The following ETV4 variants were observed in gnomAD, a reference collection of about 807,000 sequenced individuals.
ETV4 encodes the protein ETS variant transcription factor 4, also known as ETS translocation variant 4.
A neutral mutation model predicts 65.9 loss-of-function variants in ETV4; 42 were observed. That is an observed-to-expected ratio of 0.64 (90% confidence interval 0.50 to 0.82). The LOEUF is 0.82. Among genes scored for constraint, ETV4 ranks in the 40% least tolerant of loss-of-function variants. The pLI, the probability that ETV4 is intolerant of heterozygous loss-of-function variation, is 0.00. For missense variants in ETV4, 583 were observed against 630.3 expected (o/e 0.92, Z 0.80); for synonymous variants, 238 against 260.0 (o/e 0.92, Z 0.81).
rs1555559953 is a variant in ETV4 at position 43,543,276 on chromosome 17, A to ACACACTCT, written c.202+1698_202+1699insAGAGTGTG. Among the ~76,000 whole-genome samples, 5 of 138,140 alleles carry ACACACTCT rather than the reference A, an allele frequency of 3.6e-5. No individual in the cohort carries two copies. The Admixed American group carries it at 3.6e-4, about 10-fold the overall frequency. 90.6% of individuals were successfully genotyped at this position (138,140 alleles called of 152,430 possible). A position where few individuals can be genotyped will look rare whatever the true frequency, so the allele number is the denominator to read the frequency against. ...AGCAGCATGTAACTAACACACACACACTCTCTCTCTCTCTCTCTCTCACAC... is the reference window on the plus strand; with the variant it reads ...AGCAGCATGTAACTAACACACACACACACACTCTCTCTCTCTCTCTCTCTCTCTCACAC... On this transcript the variant is annotated intron_variant, in intron 4 of 12. Coordinates refer to ENST00000319349, the MANE Select transcript of ETV4 (RefSeq NM_001079675.5).
intron 4 of ETV4, among the ~76,000 whole-genome samples, chr17:43,538,614 G>A (rs73304595): frequency 0.013 from 2,050 of 152,258 alleles, 39 homozygotes; most frequent in African/African-American, 0.047. Context: ...CCCAGAGCGG[G>A]GCTTCTCAGG....
intron 8 of ETV4, chr17:43,530,530 G>T: frequency 1.1e-6 from 1 of 924,872 alleles, no homozygotes; most frequent in Non-Finnish European, 1.5e-6. Context: ...AAAGAGTTCG[G>T]TGTCCACGCC....
intron 12 of ETV4, 33 bp downstream of exon 12, chr17:43,529,102 C>A: frequency 6.2e-7 from 1 of 1,604,908 alleles, no homozygotes; most frequent in South Asian, 1.1e-5. Context: ...CCACTGCCCC[C>A]CACCACCTTG....
chr17:43,541,406 G>A (rs1284493927), intron 4 of ETV4, among the ~76,000 whole-genome samples: 2 of 152,182 alleles, frequency 1.3e-5, no homozygotes, highest in African/African-American at 4.8e-5. Context: ...GCTCCATCCC[G>A]GTACTAAGAT....
intron 4 of ETV4, among the ~76,000 whole-genome samples, chr17:43,537,589 G>A (rs1021733140): frequency 1.3e-5 from 2 of 151,212 alleles, no homozygotes; most frequent in Admixed American, 6.6e-5. Context: ...CCAGCTACTC[G>A]GAAGGCTGAG....
intron 5 of ETV4, 142 bp from the exon 6 acceptor site, chr17:43,534,127 C>T (rs1388766702): frequency 3.5e-6 from 3 of 869,276 alleles, no homozygotes; most frequent in Non-Finnish European, 4.8e-6. Context: ...TTTTCTGAGA[C>T]CCGCAGTGAG....
chr17:43,529,482 T>C, intron 11 of ETV4, 22 bp downstream of exon 11: 2 of 1,593,986 alleles, frequency 1.3e-6, no homozygotes, highest in African/African-American at 1.3e-5. Context: ...AAAGGAGGGC[T>C]GGGAACATCC....
chr17:43,545,000 G>C lies in ETV4; in HGVS notation c.177C>G (p.His59Gln). ...DSEDLFQDLS[H>Q]FQETWLAEAQ... ...CTTCAGCGAGCCACGTCTCCTGGAA[G>C]TGACTTAGATCCTGGAAGAGATCTG... is the stretch of plus-strand genomic sequence containing the variant. Residue 59 changes from histidine to glutamine, a missense_variant, in exon 4 of 13, where the codon CAC (histidine) becomes CAG (glutamine). Physicochemically the swap from His to Gln is conservative, Grantham distance 24. Coordinates refer to ENST00000319349, the MANE Select transcript of ETV4 (RefSeq NM_001079675.5). 1 of 1,614,090 alleles carries C rather than the reference G, an allele frequency of 6.2e-7. No homozygotes were observed. Among genetic ancestry groups the C allele is most frequent in the Non-Finnish European group, 8.5e-7 (1 of 1,179,986 alleles).
chr17:43,539,307 T>G (rs1014660207), intron 4 of ETV4, among the ~76,000 whole-genome samples: 2 of 152,142 alleles, frequency 1.3e-5, no homozygotes, highest in Admixed American at 1.3e-4. Flanking sequence ...GATGCTTTCT[T>G]GCCTTTTTCT....
At chr17:43,533,378 G>T in intron 6 of ETV4, 30 bp from the exon 7 acceptor site, 2 of 1,593,728 alleles carry the variant, frequency 1.3e-6, no homozygotes, top group Non-Finnish European at 8.6e-7. Flanking sequence ...AGGGGTGAGG[G>T]GGCAGAGAAG....
At position 43,545,674 on chromosome 17, in the gene ETV4, G is replaced by C. The variant is rs933783008; in HGVS notation, c.-51-6C>G. The stretch of plus-strand genomic sequence containing the variant: ...CCCCAAGCGGGGGCCGAGACCTGGT[G>C]GGGGAGGGGGCTGCGTTCGCACACC... On this transcript the variant is annotated splice_region_variant and splice_polypyrimidine_tract_variant and intron_variant, in intron 1 of 12. Coordinates refer to ENST00000319349, the MANE Select transcript of ETV4 (RefSeq NM_001079675.5). 2.2e-4 allele frequency: 322 copies of C among 1,471,210 alleles called. 2 individuals carry two copies. The South Asian group carries it at 3.0e-3, about 14-fold the overall frequency. The allele number at this position is 1,471,210 out of a possible 1,614,324, so 91.1% of individuals were successfully genotyped here.
chr17:43,539,296 A>G lies in ETV4; in HGVS notation c.203-2817T>C, dbSNP rs530127226. ...CTGCTGAGCTTGTTCCTTCTTCCCC[A>G]GATGCTTTCTTGCCTTTTTCTTTTT... On this transcript the variant is annotated intron_variant, in intron 4 of 12. Transcript: ENST00000319349. Among the ~76,000 whole-genome samples the G allele has an allele frequency of 8.0e-4, 121 of 152,096 alleles. 1 individual carries two copies. The highest frequency in any genetic ancestry group is 1.6e-3 in the Non-Finnish European group (107 of 67,994).
At chr17:43,545,401 C>T in intron 2 of ETV4, 34 bp from the exon 3 acceptor site, 1 of 1,532,144 alleles carries the variant, frequency 6.5e-7, no homozygotes, top group Non-Finnish European at 8.8e-7. Flanking sequence ...CGCGAGTCAC[C>T]CTGAGGCGCT....
chr17:43,541,560 TG>T (rs754473211), intron 4 of ETV4, among the ~76,000 whole-genome samples: 1 of 151,754 alleles, frequency 6.6e-6, no homozygotes, highest in Non-Finnish European at 1.5e-5. Flanking sequence ...AGGAGGGGCT[TG>T]GGGGGTCTCC....
At chr17:43,536,385 C>T (rs1478826328) in intron 5 of ETV4, 41 bp downstream of exon 5, 4 of 1,568,868 alleles carry the variant, frequency 2.5e-6, no homozygotes, top group South Asian at 2.2e-5. Flanking sequence ...TTCCTGCCAT[C>T]CTCCACTCCC....
chr17:43,544,390 A>G (rs916836695), intron 4 of ETV4: 4 of 152,884 alleles, frequency 2.6e-5, no homozygotes, highest in African/African-American at 9.6e-5. Flanking sequence ...TTAGAATTAC[A>G]ATCAAGGCTA....
At position 43,529,644 on chromosome 17, in the gene ETV4, G is replaced by C; in HGVS notation, c.988C>G (p.Arg330Gly). 6.2e-7 allele frequency: 1 copy of C among 1,613,652 alleles called. No individual in the cohort carries two copies. The highest frequency in any genetic ancestry group is 8.5e-7 in the Non-Finnish European group (1 of 1,179,820). The stretch of plus-strand genomic sequence containing the variant: ...CGGCGCTGGTAGGGCGGCCCCTCTC[G>C]AAATGCACCGACCCCTTCCTGCTTG... Reference protein sequence around the residue: ...DIKQEGVGAFREGPPYQRRGA... With the variant: ...DIKQEGVGAFGEGPPYQRRGA... Residue 330 changes from arginine to glycine, a missense_variant, in exon 11 of 13, where the codon CGA (arginine) becomes GGA (glycine). Arg to Gly is a moderately radical substitution (Grantham distance 125). Transcript: ENST00000319349.
intron 5 of ETV4, 91 bp from the exon 6 acceptor site, chr17:43,534,076 C>T: frequency 7.6e-7 from 1 of 1,318,460 alleles, no homozygotes; most frequent in Non-Finnish European, 9.8e-7. Context: ...TGAGGACCAG[C>T]TGGGTGACTG....
intron 3 of ETV4, 85 bp from the exon 4 acceptor site, chr17:43,545,107 G>A: frequency 1.4e-6 from 2 of 1,444,182 alleles, no homozygotes; most frequent in South Asian, 1.1e-5. Context: ...TGACTCCCCT[G>A]CCTTGGGAGT....
Sources: allele counts gnomAD v4.1 joint callset (sites outside exome capture counted in the v4.1 genomes callset), GRCh38; gene constraint gnomAD v4.1.1; transcripts MANE v1.5; gene names NCBI Gene and HGNC (gene_info 2026-07-23, HGNC 2026-07-21).